TPD52: variants seen among roughly 807,000 people sequenced by gnomAD.
TPD52 encodes prostate and colon associated protein.
Under a neutral mutation model 31.3 loss-of-function variants are expected in TPD52, and 17 were observed. The observed-to-expected ratio is 0.54, with a 90% CI of 0.37 to 0.82. The LOEUF is 0.82. Ranked by LOEUF, TPD52 falls within the 40% of genes least tolerant of loss-of-function variation. The pLI is 0.00. For synonymous variants in TPD52, 83 were observed against 89.6 expected, an observed-to-expected ratio of 0.93 and a Z score of 0.42; for missense variants, 212 against 240.1, an observed-to-expected ratio of 0.88 and a Z score of 0.77.
At chr8:80,114,821 C>T (rs1022942978) in intron 1 of TPD52, among the ~76,000 whole-genome samples, 4 of 152,186 alleles carry the variant, frequency 2.6e-5, no homozygotes, top group Admixed American at 6.5e-5. Context: ...GTCTCTGAAA[C>T]GGTGTCTGTT....
intron 1 of TPD52, among the ~76,000 whole-genome samples, chr8:80,170,169 C>A (rs1410910191): frequency 1.3e-5 from 2 of 152,100 alleles, no homozygotes; most frequent in Non-Finnish European, 2.9e-5. Context: ...AATCCCAGCA[C>A]TTTGGGAGGC....
intron 1 of TPD52, among the ~76,000 whole-genome samples, chr8:80,105,916 G>T (rs1293775387): frequency 2.0e-5 from 3 of 151,974 alleles, no homozygotes; most frequent in Non-Finnish European, 4.4e-5. Context: ...ATTTTTAGTA[G>T]AGGTGGGGTT....
intron 1 of TPD52, among the ~76,000 whole-genome samples, chr8:80,165,900 A>G (rs1444820969): frequency 6.6e-6 from 1 of 152,152 alleles, no homozygotes; most frequent in Non-Finnish European, 1.5e-5. Context: ...GTAGGGAGAA[A>G]TTTTTCCTCC....
At chr8:80,092,232 C>T (rs1045167559) in intron 1 of TPD52, among the ~76,000 whole-genome samples, 1 of 152,108 alleles carries the variant, frequency 6.6e-6, no homozygotes, top group Non-Finnish European at 1.5e-5. Flanking sequence ...CTATGGTCAT[C>T]CTACACTGCT....
At chr8:80,168,641 C>T (rs1811869015) in intron 1 of TPD52, among the ~76,000 whole-genome samples, 1 of 152,206 alleles carries the variant, frequency 6.6e-6, no homozygotes. Context: ...GAGTCTTGCT[C>T]CAGATTCACT....
At chr8:80,066,960 T>C (rs1307080489) in intron 1 of TPD52, 1 of 152,178 alleles carries the variant, frequency 6.6e-6, no homozygotes, top group African/African-American at 2.4e-5. Context: ...CTACAACAGA[T>C]CTCCAAAACA....
chr8:80,106,059 G>A (rs1807088053), intron 1 of TPD52, among the ~76,000 whole-genome samples: 1 of 152,014 alleles, frequency 6.6e-6, no homozygotes, highest in East Asian at 1.9e-4. Flanking sequence ...GGCAACCTAG[G>A]TAAACATGGA....
intron 1 of TPD52, among the ~76,000 whole-genome samples, chr8:80,081,884 A>G (rs1815329711): frequency 6.6e-6 from 1 of 152,194 alleles, no homozygotes; most frequent in Non-Finnish European, 1.5e-5. Flanking sequence ...GCTCACTGCA[A>G]CCTCCACCTT....
At chr8:80,109,253 T>TA (rs1289237820) in intron 1 of TPD52, among the ~76,000 whole-genome samples, 1 of 152,172 alleles carries the variant, frequency 6.6e-6, no homozygotes, top group Non-Finnish European at 1.5e-5. Flanking sequence ...GAGGTTTTTT[T>TA]AAAAGTTCAA....
At chr8:80,073,232 T>C (rs765233533) in intron 1 of TPD52, among the ~76,000 whole-genome samples, 4 of 152,208 alleles carry the variant, frequency 2.6e-5, no homozygotes, top group Non-Finnish European at 5.9e-5. Flanking sequence ...AACAAAAATG[T>C]ATCATCTTTA....
chr8:80,086,352 C>T (rs970398263), intron 1 of TPD52, among the ~76,000 whole-genome samples: 3 of 151,520 alleles, frequency 2.0e-5, no homozygotes, highest in East Asian at 3.9e-4. Context: ...CTCCTGACCT[C>T]GTGATCCACC....
chr8:80,100,356 C>A (rs746587614), intron 1 of TPD52, among the ~76,000 whole-genome samples: 2 of 152,182 alleles, frequency 1.3e-5, no homozygotes, highest in Non-Finnish European at 2.9e-5. Flanking sequence ...TATTCATACT[C>A]CCCTTTACAG....
At chr8:80,048,303 C>T (rs1467098604) in intron 5 of TPD52, among the ~76,000 whole-genome samples, 2 of 152,170 alleles carry the variant, frequency 1.3e-5, no homozygotes, top group Non-Finnish European at 2.9e-5. Flanking sequence ...TATCAACTGA[C>T]TATGTAAAAT....
At position 80,074,032 on chromosome 8, in the gene TPD52, A is replaced by G. The variant is rs559101308; in HGVS notation, c.20-9439T>C. On this transcript the variant is annotated intron_variant, in intron 1 of 7. Transcript: ENST00000518937. Reference sequence around the variant, plus strand: ...CAAAATGGAGTCTAAGATATCTGCTATTTAGCCTGAATGTTAACACTGCCT... The same window carrying G: ...CAAAATGGAGTCTAAGATATCTGCTGTTTAGCCTGAATGTTAACACTGCCT... Among the ~76,000 whole-genome samples the G allele has an allele frequency of 1.6e-4, 24 of 152,352 alleles. No individual in the cohort carries two copies. The South Asian group carries it at 3.5e-3, about 22-fold the overall frequency.
At chr8:80,077,495 T>C (rs1814720620) in intron 1 of TPD52, among the ~76,000 whole-genome samples, 1 of 152,122 alleles carries the variant, frequency 6.6e-6, no homozygotes, top group African/African-American at 2.4e-5. Flanking sequence ...GGTAAAACAC[T>C]TGACCAAAGG....
At chr8:80,064,847 C>G (rs1198034004) in intron 1 of TPD52, 1 of 619,566 alleles carries the variant, frequency 1.6e-6, no homozygotes, top group Non-Finnish European at 3.0e-6. Flanking sequence ...TGTTCATAGT[C>G]TCAGTCACAA....
chr8:80,135,068 G>A (rs62516116), intron 1 of TPD52, among the ~76,000 whole-genome samples: 25,193 of 152,048 alleles, frequency 0.17, 3,383 homozygotes, highest in African/African-American at 0.37. Flanking sequence ...TGAACTGCCA[G>A]GCAGAGGTAT....
At chr8:80,091,569 A>T (rs1816279338) in intron 1 of TPD52, among the ~76,000 whole-genome samples, 1 of 152,236 alleles carries the variant, frequency 6.6e-6, no homozygotes, top group Non-Finnish European at 1.5e-5. Context: ...GAACACCAGA[A>T]AATAGTGGAA....
chr8:80,086,592 G>A (rs1370917633), intron 1 of TPD52, among the ~76,000 whole-genome samples: 1 of 151,990 alleles, frequency 6.6e-6, no homozygotes, highest in Non-Finnish European at 1.5e-5. Flanking sequence ...CAAATTTACT[G>A]GCTGGGCTTG....
Sources: allele counts gnomAD v4.1 joint callset (sites outside exome capture counted in the v4.1 genomes callset), GRCh38; gene constraint gnomAD v4.1.1; transcripts MANE v1.5; gene names NCBI Gene and HGNC (gene_info 2026-07-23, HGNC 2026-07-21).